SIM2: variants seen among roughly 807,000 people sequenced by gnomAD.
SIM2 encodes single-minded homolog 2.
SIM2 carries 28 observed loss-of-function variants against 64.8 expected under a neutral mutation model. The observed-to-expected ratio is 0.43, with a 90% confidence interval of 0.32 to 0.59. The LOEUF is 0.59. Ranked by LOEUF, SIM2 falls within the 20% of genes least tolerant of loss-of-function variation. The pLI is 0.07. For missense variants in SIM2, 847 were observed against 871.4 expected (o/e 0.97, Z 0.35); for synonymous variants, 408 against 391.1 (o/e 1.04, Z -0.51).
intron 1 of SIM2, among the ~76,000 whole-genome samples, chr21:36,702,922 G>C (rs549097358): frequency 1.4e-5 from 2 of 143,258 alleles, no homozygotes; most frequent in Admixed American, 7.0e-5. Flanking sequence ...CTAGAGACCA[G>C]CTTAGGACTC....
chr21:36,730,855 A>G (rs548493353), intron 6 of SIM2, among the ~76,000 whole-genome samples, 190 bp from the exon 7 acceptor site: 1 of 152,342 alleles, frequency 6.6e-6, no homozygotes, highest in Admixed American at 6.5e-5. Flanking sequence ...ATTCATGAAT[A>G]GTGCTACATC....
intron 3 of SIM2, among the ~76,000 whole-genome samples, chr21:36,718,325 CTCCA>C (rs2088773303): frequency 6.6e-6 from 1 of 152,182 alleles, no homozygotes; most frequent in African/African-American, 2.4e-5. Flanking sequence ...CCCAGAACTT[CTCCA>C]TTAAGCAGCT....
intron 7 of SIM2, among the ~76,000 whole-genome samples, chr21:36,740,039 GAAAGAAAGAAAGAAAGAA>G (rs2089139952): frequency 7.2e-6 from 1 of 139,270 alleles, no homozygotes; most frequent in East Asian, 2.2e-4. Context: ...AAGAAAGAAA[GAAAGAAAGAAAGAAAGAA>G]AGAGAAAATG....
At position 36,722,692 on chromosome 21, in the gene SIM2, C is replaced by G. The variant is rs147683099; in HGVS notation, c.458-353C>G. Among the ~76,000 whole-genome samples the G allele has an allele frequency of 4.6e-5, 7 of 152,324 alleles. 1 individual carries two copies. The East Asian group carries it at 1.4e-3, about 29-fold the overall frequency. ...TGCCAAGCCTTGGGTCACACACACT[C>G]AAGTCCTGCTACCCTGAGGGAGGTC... is the stretch of plus-strand genomic sequence containing the variant. On this transcript the variant is annotated intron_variant, in intron 4 of 10. Transcript: ENST00000290399.
In SIM2 at chr21:36,731,066, C is replaced by T. The variant is rs772227381; in HGVS notation, c.765C>T (p.Tyr255=). 1.2e-4 allele frequency: 192 copies of T among 1,613,920 alleles called. No individual in the cohort carries two copies. Among genetic ancestry groups the T allele is most frequent in the Middle Eastern group, 1.7e-4 (1 of 6,060 alleles). The change falls in exon 7 of 11, where the codon TAC becomes TAT. Residue 255 remains tyrosine, a synonymous_variant. Coordinates refer to ENST00000290399, the MANE Select transcript of SIM2 (RefSeq NM_005069.6). ...LDSRVTEVTG[Y]EPQDLIEKTL... is the part of the protein sequence containing the mutation. The stretch of plus-strand genomic sequence containing the variant: ...ACAGGGTGACCGAGGTGACGGGGTA[C>T]GAGCCGCAGGACCTGATCGAGAAGA...
At chr21:36,740,309 T>A (rs2089144980) in intron 7 of SIM2, among the ~76,000 whole-genome samples, 1 of 152,190 alleles carries the variant, frequency 6.6e-6, no homozygotes, top group Non-Finnish European at 1.5e-5. Context: ...ATGTGCCTAT[T>A]CTGGAAGTTT....
At chr21:36,718,165 G>A (rs917403694) in intron 3 of SIM2, among the ~76,000 whole-genome samples, 8 of 152,196 alleles carry the variant, frequency 5.3e-5, no homozygotes, top group African/African-American at 1.9e-4. Flanking sequence ...GGCCAGAAGT[G>A]TAACTTATTC....
At position 36,748,014 on chromosome 21, in the gene SIM2, CCCCGCCGCCACCTCCCCG is replaced by C; in HGVS notation, c.1931_1948del (p.Ala644_Pro649del). On this transcript the variant is annotated inframe_deletion, in exon 11 of 11. Transcript: ENST00000290399. The stretch of plus-strand genomic sequence containing the variant: ...GCGCGCTGCGGCTCCGGCACCCGAG[CCCCGCCGCCACCTCCCCG>C]CCCGGCGCGCCCCTGCCGCACTACC... 2.6e-6 allele frequency: 3 copies of C among 1,153,284 alleles called. No homozygotes were observed. The highest frequency in any genetic ancestry group is 3.2e-6 in the Non-Finnish European group (3 of 938,584). The allele number at this position is 1,153,284 out of a possible 1,614,324, so 71.4% of individuals were successfully genotyped here.
intron 4 of SIM2, among the ~76,000 whole-genome samples, chr21:36,721,100 A>C (rs1476487559): frequency 6.6e-6 from 1 of 152,228 alleles, no homozygotes; most frequent in Non-Finnish European, 1.5e-5. Flanking sequence ...CCTTGCAGAC[A>C]GTTCTGTGGC....
At position 36,726,064 on chromosome 21, in the gene SIM2, G is replaced by A. The variant is rs868018387; in HGVS notation, c.544-55G>A. The A allele has an allele frequency of 1.4e-4, 205 of 1,450,336 alleles. No homozygotes were observed. In the Middle Eastern group the frequency reaches 1.6e-3, roughly 11 times the overall value. The allele number at this position is 1,450,336 out of a possible 1,614,324, so 89.8% of individuals were successfully genotyped here. On this transcript the variant is annotated intron_variant, in intron 5 of 10. Coordinates refer to ENST00000290399, the MANE Select transcript of SIM2 (RefSeq NM_005069.6). The surrounding 1 kb of genome is among the most constrained non-coding windows in gnomAD (Gnocchi z 4.5). ...TTTGAGAAAATGAGCCAGGAGGAGT[G>A]GGCTCCAGCCCAACCCCAGTGGCCA...
Position 36,747,704 on chromosome 21 carries a change from C to T in SIM2, c.1616C>T (p.Ala539Val). 1 of 1,281,514 alleles carries T rather than the reference C, an allele frequency of 7.8e-7. No individual in the cohort carries two copies. Among genetic ancestry groups the T allele is most frequent in the Admixed American group, 3.3e-5 (1 of 29,928 alleles). The allele number at this position is 1,281,514 out of a possible 1,614,324, so 79.4% of individuals were successfully genotyped here. A position where few individuals can be genotyped will look rare whatever the true frequency, so the allele number is the denominator to read the frequency against. ...AAVRRFGEDT[A>V]PPSFPSCGHY... The stretch of plus-strand genomic sequence containing the variant: ...GTGCGCAGGTTCGGCGAGGACACCG[C>T]GCCCCCGAGCTTCCCGAGCTGCGGC... Residue 539 changes from alanine (A) to valine (V), a missense_variant, in exon 11 of 11, where the codon GCG becomes GTG. Around this residue, in one of 3 missense-constraint regions of SIM2, gnomAD observed 447 missense variants for 414.6 expected, o/e 1.08. Coordinates refer to ENST00000290399, the MANE Select transcript of SIM2 (RefSeq NM_005069.6). The surrounding 1 kb of genome is among the most constrained non-coding windows in gnomAD (Gnocchi z 4.5).
chr21:36,748,246 C>A lies in SIM2; in HGVS notation c.*154C>A. 1 of 395,804 alleles carries A rather than the reference C, an allele frequency of 2.5e-6. No homozygotes were observed. The highest frequency in any genetic ancestry group is 1.0e-3 in the Middle Eastern group (1 of 988). 24.5% of individuals were successfully genotyped at this position (395,804 alleles called of 1,614,324 possible). A position where few individuals can be genotyped will look rare whatever the true frequency, so the allele number is the denominator to read the frequency against. On this transcript the variant is annotated 3_prime_UTR_variant, in exon 11 of 11. Coordinates refer to ENST00000290399, the MANE Select transcript of SIM2 (RefSeq NM_005069.6). ...GACTTGCGGATTTCCACCGCGGAGGCCCCGCGCGCCGGTGCCGAGGGCCGA... is the reference window on the plus strand; with the variant it reads ...GACTTGCGGATTTCCACCGCGGAGGACCCGCGCGCCGGTGCCGAGGGCCGA...
At position 36,712,617 on chromosome 21, in the gene SIM2, T is replaced by C. The variant is rs754882963; in HGVS notation, c.343T>C (p.Ser115Pro). Residue 115 changes from serine (S) to proline (P), a missense_variant, in exon 3 of 11, where the codon TCC becomes CCC. Around this residue, in one of 3 missense-constraint regions of SIM2, gnomAD observed 397 missense variants for 439.2 expected, o/e 0.90. Transcript: ENST00000290399. ...SETASVHLGL[S>P]QVELTGNSIY... The stretch of plus-strand genomic sequence containing the variant: ...GACCGCTTCTGTCCATTTAGGCTTA[T>C]CCCAGGTGGGTATTGCCTAATTTTA... 6.2e-7 allele frequency: 1 copy of C among 1,608,770 alleles called. No homozygotes were observed. The highest frequency in any genetic ancestry group is 1.7e-5 in the Admixed American group (1 of 59,330).
At chr21:36,730,969 G>A (rs2088959005) in intron 6 of SIM2, 76 bp from the exon 7 acceptor site, 1 of 1,051,428 alleles carries the variant, frequency 9.5e-7, no homozygotes, top group South Asian at 1.3e-5. Flanking sequence ...TTGATTAGTT[G>A]GCAAAACCAA....
At position 36,743,542 on chromosome 21, in the gene SIM2, C is replaced by A; in HGVS notation, c.1154C>A (p.Pro385His). 1 of 1,613,678 alleles carries A rather than the reference C, an allele frequency of 6.2e-7. No homozygotes were observed. The change falls in exon 9 of 11, where the codon CCT (proline) becomes CAT (histidine). Residue 385 changes from proline to histidine, a missense_variant. Around this residue, in one of 3 missense-constraint regions of SIM2, gnomAD observed 447 missense variants for 414.6 expected, o/e 1.08. Coordinates refer to ENST00000290399, the MANE Select transcript of SIM2 (RefSeq NM_005069.6). ...ATGAAGACAAAGCTGAGAACAAACC[C>A]TTACCCCCCACAGGTAACACGCATG... ...TKMKTKLRTN[P>H]YPPQQYSSFQ... is the part of the protein sequence containing the mutation.
At chr21:36,743,099 G>T (rs2089184182) in intron 8 of SIM2, among the ~76,000 whole-genome samples, 3 of 152,142 alleles carry the variant, frequency 2.0e-5, no homozygotes, top group Admixed American at 2.0e-4. Flanking sequence ...TTTTCCCTTG[G>T]TGGCTTTCCT....
At chr21:36,735,414 C>T (rs1306074322) in intron 7 of SIM2, among the ~76,000 whole-genome samples, 1 of 152,258 alleles carries the variant, frequency 6.6e-6, no homozygotes, top group East Asian at 1.9e-4. Flanking sequence ...TGTCTGTCAT[C>T]TTTCCCTTGT....
chr21:36,730,538 CA>C (rs2088952523), intron 6 of SIM2, among the ~76,000 whole-genome samples: 1 of 152,186 alleles, frequency 6.6e-6, no homozygotes, highest in Admixed American at 6.5e-5. Context: ...AAGCTCTGGA[CA>C]GGGGCAGTGA....
chr21:36,748,882 T>C lies in SIM2; in HGVS notation c.*790T>C, dbSNP rs138830830. On this transcript the variant is annotated 3_prime_UTR_variant, in exon 11 of 11. Coordinates refer to ENST00000290399, the MANE Select transcript of SIM2 (RefSeq NM_005069.6). ...CAGACAGTTTATGAGAATGACCCTGTCAAGCTTCATTATTACGTGGCAAAA... is the reference window on the plus strand; with the variant it reads ...CAGACAGTTTATGAGAATGACCCTGCCAAGCTTCATTATTACGTGGCAAAA... The C allele has an allele frequency of 6.5e-6, 1 of 152,738 alleles. No homozygotes were observed. Among genetic ancestry groups the C allele is most frequent in the East Asian group, 1.9e-4 (1 of 5,190 alleles). 9.5% of individuals were successfully genotyped at this position (152,738 alleles called of 1,614,324 possible).
Sources: allele counts gnomAD v4.1 joint callset (sites outside exome capture counted in the v4.1 genomes callset), GRCh38; gene constraint gnomAD v4.1.1; regional missense constraint gnomAD v4.1.1; non-coding constraint Gnocchi (gnomAD v3.1); transcripts MANE v1.5; gene names NCBI Gene and HGNC (gene_info 2026-07-23, HGNC 2026-07-21).